Variants in GPLD1 observed in about 807,000 individuals in gnomAD.
The protein encoded by GPLD1 is phosphatidylinositol-glycan-specific phospholipase D.
Under a neutral mutation model 112.6 loss-of-function variants are expected in GPLD1, and 84 were observed. That is an observed-to-expected ratio of 0.75 (90% CI 0.63 to 0.89). The LOEUF (loss-of-function observed/expected upper bound fraction) is 0.89. GPLD1 is among the 40% of genes least tolerant of loss of function. GPLD1 has a pLI of 0.00. For synonymous variants in GPLD1, 386 were observed against 403.8 expected (o/e 0.96, Z 0.53); for missense variants, 1,044 against 1,051.5 (o/e 0.99, Z 0.10).
intron 20 of GPLD1, among the ~76,000 whole-genome samples, chr6:24,442,996 G>C (rs1343157191): frequency 2.0e-5 from 3 of 152,180 alleles, no homozygotes; most frequent in Non-Finnish European, 4.4e-5. Context: ...AAAGAGTGGT[G>C]AAGAAAATAA....
rs1260566898 is a variant in GPLD1 at position 24,436,999 on chromosome 6, C to T, written c.2197+114G>A. ...CTCATTCAAGATCTGTCTAAAGGTC[C>T]TTGGGCCACTGGGCTGTCAATTATA... On this transcript the variant is annotated intron_variant, in intron 21 of 24. Transcript: ENST00000230036. 6.3e-6 allele frequency: 6 copies of T among 958,986 alleles called. No homozygotes were observed. In the South Asian group the frequency reaches 7.6e-5, roughly 12 times the overall value. The allele number at this position is 958,986 out of a possible 1,614,324, so 59.4% of individuals were successfully genotyped here.
intron 22 of GPLD1, among the ~76,000 whole-genome samples, chr6:24,436,289 C>T (rs551016574): frequency 6.6e-6 from 1 of 152,266 alleles, no homozygotes; most frequent in East Asian, 1.9e-4. Flanking sequence ...TGGCCATGGC[C>T]TGTTTTCTTT....
At chr6:24,449,469 A>C (rs1198859200) in intron 15 of GPLD1, among the ~76,000 whole-genome samples, 1 of 152,182 alleles carries the variant, frequency 6.6e-6, no homozygotes, top group Non-Finnish European at 1.5e-5. Flanking sequence ...TGATAACCAG[A>C]AACTACAGAT....
chr6:24,489,465 G>C lies in GPLD1; in HGVS notation c.47C>G (p.Ser16Cys). 1 of 1,614,004 alleles carries C rather than the reference G, an allele frequency of 6.2e-7. No individual in the cohort carries two copies. The highest frequency in any genetic ancestry group is 8.5e-7 in the Non-Finnish European group (1 of 1,179,896). Residue 16 changes from serine to cysteine, a missense_variant, in exon 1 of 25, where the codon TCT (serine) becomes TGT (cysteine). Transcript: ENST00000230036. ...LWPGLLIMLG[S>C]LCHRGSPCGL... ...ACACGGTGAACCTCTATGGCAGAGA[G>C]AACCCAACATGATCAGCAGGCCAGG...
At chr6:24,434,270 C>T (rs1037046580) in intron 22 of GPLD1, among the ~76,000 whole-genome samples, 7 of 151,644 alleles carry the variant, frequency 4.6e-5, no homozygotes, top group Non-Finnish European at 1.0e-4. Context: ...CGGTGGTGTG[C>T]GCCTGTAGTC....
intron 1 of GPLD1, among the ~76,000 whole-genome samples, chr6:24,487,812 T>C (rs371148979): frequency 6.6e-6 from 1 of 152,162 alleles, no homozygotes; most frequent in South Asian, 2.1e-4. Flanking sequence ...ACATTTTTAA[T>C]GGAAAGAACG....
intron 7 of GPLD1, among the ~76,000 whole-genome samples, chr6:24,471,178 C>T (rs1021747179): frequency 2.6e-5 from 4 of 152,172 alleles, no homozygotes; most frequent in Non-Finnish European, 5.9e-5. Flanking sequence ...CAGAAACTGA[C>T]CCATACATAT....
intron 4 of GPLD1, among the ~76,000 whole-genome samples, chr6:24,475,979 G>T (rs1230688579): frequency 6.6e-6 from 1 of 152,216 alleles, no homozygotes; most frequent in Non-Finnish European, 1.5e-5. Context: ...GCAAAATGAT[G>T]AAGTGATGTA....
chr6:24,470,318 A>G (rs890064149), intron 7 of GPLD1, among the ~76,000 whole-genome samples: 2 of 152,168 alleles, frequency 1.3e-5, no homozygotes, highest in Admixed American at 1.3e-4. Context: ...AACTATTATT[A>G]GAGATAAAGA....
chr6:24,476,505 T>C (rs1389472384), intron 3 of GPLD1, among the ~76,000 whole-genome samples: 1 of 151,952 alleles, frequency 6.6e-6, no homozygotes, highest in South Asian at 2.1e-4. Context: ...AGCCCTACAG[T>C]AAGAGGGACG....
At chr6:24,474,824 C>G (rs970377896) in intron 5 of GPLD1, among the ~76,000 whole-genome samples, 5 of 151,982 alleles carry the variant, frequency 3.3e-5, no homozygotes, top group African/African-American at 1.2e-4. Context: ...CCTGTAATCC[C>G]AGCTACTCAG....
intron 2 of GPLD1, among the ~76,000 whole-genome samples, chr6:24,483,449 C>T (rs928813252): frequency 6.6e-6 from 1 of 151,704 alleles, no homozygotes; most frequent in African/African-American, 2.4e-5. Context: ...GAGGCTGCGG[C>T]GGGTGGATCA....
intron 7 of GPLD1, among the ~76,000 whole-genome samples, chr6:24,471,474 C>T (rs1437256113): frequency 6.6e-6 from 1 of 150,984 alleles, no homozygotes; most frequent in Admixed American, 6.6e-5. Context: ...AAAAAAAAGA[C>T]AGAAAGAAAC....
At chr6:24,493,729 T>C (rs1764616152), upstream of GPLD1, among the ~76,000 whole-genome samples, 1 of 152,172 alleles carries the variant, frequency 6.6e-6, no homozygotes, top group South Asian at 2.1e-4. Context: ...GGCTCAAAAC[T>C]CAATGGATCT....
At chr6:24,489,363 CTT>C (rs1764488288) in intron 1 of GPLD1, 50 bp downstream of exon 1, 1 of 1,302,574 alleles carries the variant, frequency 7.7e-7, no homozygotes, top group Non-Finnish European at 1.1e-6. Context: ...TCCTTAATGT[CTT>C]TGACAGATGT....
At chr6:24,494,966 C>T in intron 1 of GPLD1, 1 of 1,300,898 alleles carries the variant, frequency 7.7e-7, no homozygotes, top group Non-Finnish European at 9.7e-7. Context: ...CGCCCGCTTG[C>T]CTGTTTCCTG....
At chr6:24,436,443 T>C in intron 22 of GPLD1, 133 bp downstream of exon 22, 1 of 725,218 alleles carries the variant, frequency 1.4e-6, no homozygotes, top group Non-Finnish European at 2.3e-6. Flanking sequence ...CCACAAAACA[T>C]GGACAGATGA....
rs1228915497 is a variant in GPLD1, at chr6:24,446,905, G to A, written c.1753C>T (p.His585Tyr). ...GTTCTGTTGTCCACAGTGACACCGT[G>A]AAGGGAATATCCAAACCAGGAGAAG... ...EDFSWFGYSL[H>Y]GVTVDNRTLL... The change falls in exon 18 of 25, where the codon CAC (histidine) becomes TAC (tyrosine). Residue 585 changes from histidine to tyrosine, a missense_variant. Physicochemically the swap from His to Tyr is moderately conservative, Grantham distance 83 (BLOSUM62 2). Coordinates refer to ENST00000230036, the MANE Select transcript of GPLD1 (RefSeq NM_001503.4). 1.2e-6 allele frequency: 2 copies of A among 1,614,088 alleles called. No homozygotes were observed. The highest frequency in any genetic ancestry group is 1.7e-6 in the Non-Finnish European group (2 of 1,179,956).
intron 7 of GPLD1, 55 bp from the exon 8 acceptor site, chr6:24,467,329 A>C: frequency 1.1e-6 from 1 of 946,670 alleles, no homozygotes; most frequent in Non-Finnish European, 1.7e-6. Flanking sequence ...TGAAAATAGT[A>C]ACAACAGCAG....
Sources: gnomAD v4.1 joint callset for allele counts (sites outside exome capture counted in the v4.1 genomes callset) on GRCh38, gnomAD v4.1.1 for gene constraint, MANE v1.5 for transcripts, NCBI Gene and HGNC (gene_info 2026-07-23, HGNC 2026-07-21) for gene names.